The following GDAP1 variants were observed in gnomAD, a reference collection of about 807,000 sequenced individuals.
GDAP1 encodes the protein ganglioside induced differentiation associated protein 1, also known as ganglioside-induced differentiation-associated protein 1.
A neutral mutation model predicts 40.1 loss-of-function variants in GDAP1; 34 were observed. That is an observed-to-expected ratio of 0.85 (90% CI 0.64 to 1.13). GDAP1 has a LOEUF of 1.13. Among genes scored for constraint, GDAP1 ranks in the 50% most tolerant of loss-of-function variants. The pLI, the probability that GDAP1 is intolerant of heterozygous loss-of-function variation, is 0.00. For missense variants in GDAP1, 374 were observed against 433.7 expected (o/e 0.86, Z 1.22); for synonymous variants, 170 against 157.4 (o/e 1.08, Z -0.60).
chr8:74,481,927 C>A (rs1806716320), intron 2 of GDAP1, among the ~76,000 whole-genome samples: 1 of 151,932 alleles, frequency 6.6e-6, no homozygotes, highest in Admixed American at 6.6e-5. Flanking sequence ...AGGAATAAAA[C>A]AATGGGGATA....
intron 2 of GDAP1, among the ~76,000 whole-genome samples, chr8:74,385,331 GC>G (rs1810010455): frequency 1.3e-5 from 2 of 151,576 alleles, no homozygotes. Flanking sequence ...TCCCCTAACC[GC>G]CCCCACCACC....
chr8:74,464,260 C>T (rs1040953884), intron 2 of GDAP1, among the ~76,000 whole-genome samples: 3 of 152,090 alleles, frequency 2.0e-5, no homozygotes, highest in South Asian at 2.1e-4. Flanking sequence ...AAATACAGTG[C>T]CAATAGGGGA....
At chr8:74,409,673 A>G (rs898639335) in intron 2 of GDAP1, among the ~76,000 whole-genome samples, 3 of 149,990 alleles carry the variant, frequency 2.0e-5, no homozygotes, top group Non-Finnish European at 4.4e-5. Flanking sequence ...TTCTCAGGAA[A>G]TCATTCATGA....
At chr8:74,380,626 C>A (rs1435718491) in intron 2 of GDAP1, among the ~76,000 whole-genome samples, 3 of 151,536 alleles carry the variant, frequency 2.0e-5, no homozygotes, top group Non-Finnish European at 2.9e-5. Flanking sequence ...ATTTAGAATT[C>A]TTTGAAAAAT....
rs1385588531 is a variant in GDAP1, at chr8:74,445,029, A to G, written c.166-43649A>G. On this transcript the variant is annotated intron_variant, in intron 2 of 2. Coordinates refer to the GDAP1 transcript ENST00000523640. ...CAAATTTGTCTTTGGTGTCATAACA[A>G]ATAGTTCTTTGTTTTCCTTTGTATA... is the stretch of plus-strand genomic sequence containing the variant. Among the ~76,000 whole-genome samples, 3 of 152,298 alleles carry G rather than the reference A, an allele frequency of 2.0e-5. No homozygotes were observed. The East Asian group carries it at 5.8e-4, about 29-fold the overall frequency.
At chr8:74,400,360 C>G (rs1257774844) in intron 2 of GDAP1, among the ~76,000 whole-genome samples, 4 of 149,776 alleles carry the variant, frequency 2.7e-5, no homozygotes, top group South Asian at 4.1e-4. Flanking sequence ...TTATCTGAGA[C>G]TAGGATTGCA....
intron 2 of GDAP1, among the ~76,000 whole-genome samples, chr8:74,425,671 G>C (rs1470464048): frequency 6.6e-6 from 1 of 152,138 alleles, no homozygotes; most frequent in African/African-American, 2.4e-5. Context: ...GATTAAAAGT[G>C]GAGATCCATT....
chr8:74,387,988 G>A (rs1810050523), intron 2 of GDAP1, among the ~76,000 whole-genome samples: 1 of 152,052 alleles, frequency 6.6e-6, no homozygotes, highest in South Asian at 2.1e-4. Flanking sequence ...TTCTCTGATG[G>A]TAGTTTGTAT....
At chr8:74,485,858 A>G (rs1471486214) in intron 2 of GDAP1, among the ~76,000 whole-genome samples, 1 of 152,156 alleles carries the variant, frequency 6.6e-6, no homozygotes, top group Non-Finnish European at 1.5e-5. Context: ...GACCATAGGA[A>G]CTGTTGTGGT....
downstream of GDAP1, among the ~76,000 whole-genome samples, chr8:74,371,639 G>A (rs981984724): frequency 2.0e-5 from 3 of 150,222 alleles, no homozygotes; most frequent in Non-Finnish European, 4.4e-5. Context: ...CAGCCTGGGC[G>A]ACAGAGCGAG....
rs1806556316 is a variant in GDAP1, at chr8:74,471,554, A to G, written c.166-17124A>G. On this transcript the variant is annotated intron_variant, in intron 2 of 2. Coordinates refer to the GDAP1 transcript ENST00000523640. The stretch of plus-strand genomic sequence containing the variant: ...ATTTTAAATATTTAAATGATTTTTC[A>G]TTGACTTTTTAAAAAGTATACAGTC... Among the ~76,000 whole-genome samples the G allele has an allele frequency of 1.3e-5, 2 of 151,582 alleles. 1 individual carries two copies. The highest frequency in any genetic ancestry group is 6.4e-3 in the Middle Eastern group (2 of 312).
intron 2 of GDAP1, among the ~76,000 whole-genome samples, chr8:74,388,253 T>C (rs986050948): frequency 6.6e-6 from 1 of 152,184 alleles, no homozygotes; most frequent in Non-Finnish European, 1.5e-5. Flanking sequence ...CTTCTCTAGT[T>C]GTTTTAATTG....
At position 74,365,894 on chromosome 8, in the gene GDAP1, G is replaced by A. The variant is rs886063113; in HGVS notation, c.*1527G>A. 2.4e-5 allele frequency: 11 copies of A among 454,122 alleles called. No homozygotes were observed. Among genetic ancestry groups the A allele is most frequent in the Non-Finnish European group, 3.5e-5 (8 of 226,782 alleles). The allele number at this position is 454,122 out of a possible 1,614,324, so 28.1% of individuals were successfully genotyped here. On this transcript the variant is annotated 3_prime_UTR_variant, in exon 6 of 6. Transcript: ENST00000220822. ...ACATGAGTGTGTTGTCATATGGAGT[G>A]TCTGAATCTGTTGCTGGGACATACC...
intron 2 of GDAP1, among the ~76,000 whole-genome samples, chr8:74,480,524 C>T (rs899827981): frequency 1.3e-5 from 2 of 152,204 alleles, no homozygotes; most frequent in African/African-American, 2.4e-5. Context: ...AAATGAGGAA[C>T]TGAAGACTCC....
chr8:74,366,709 T>A lies in GDAP1; in HGVS notation c.*2342T>A, dbSNP rs1051634206. ...CAGCAGATGCCTTTTGAATCCATTT[T>A]CCATAATTGCGGATAGTCATAAATT... On this transcript the variant is annotated 3_prime_UTR_variant, in exon 6 of 6. Transcript: ENST00000220822. 5 of 452,772 alleles carry A rather than the reference T, an allele frequency of 1.1e-5. No individual in the cohort carries two copies. The highest frequency in any genetic ancestry group is 2.2e-5 in the Non-Finnish European group (5 of 226,352). 28.0% of individuals were successfully genotyped at this position (452,772 alleles called of 1,614,324 possible).
At chr8:74,427,917 T>G (rs959364573) in intron 2 of GDAP1, among the ~76,000 whole-genome samples, 1 of 152,200 alleles carries the variant, frequency 6.6e-6, no homozygotes, top group Non-Finnish European at 1.5e-5. Context: ...TAGTTCACAT[T>G]ATAAAATAAT....
intron 2 of GDAP1, among the ~76,000 whole-genome samples, chr8:74,415,940 T>G (rs1805772439): frequency 6.7e-6 from 1 of 149,730 alleles, no homozygotes; most frequent in Non-Finnish European, 1.5e-5. Flanking sequence ...ATGATCCCCC[T>G]TTGCCAGAAC....
intron 2 of GDAP1, among the ~76,000 whole-genome samples, chr8:74,436,922 A>G (rs879943798): frequency 1.3e-5 from 2 of 152,216 alleles, no homozygotes; most frequent in Non-Finnish European, 2.9e-5. Flanking sequence ...CTCACAATGC[A>G]GCAGAAGATG....
chr8:74,460,983 T>A (rs1806393752), intron 2 of GDAP1, among the ~76,000 whole-genome samples: 1 of 151,956 alleles, frequency 6.6e-6, no homozygotes, highest in Non-Finnish European at 1.5e-5. Flanking sequence ...GTCCTTGTAT[T>A]GGGAGAGGGT....
Sources: gnomAD v4.1 joint callset for allele counts (sites outside exome capture counted in the v4.1 genomes callset) on GRCh38, gnomAD v4.1.1 for gene constraint, MANE v1.5 for transcripts, NCBI Gene and HGNC (gene_info 2026-07-23, HGNC 2026-07-21) for gene names.